COL25A1: variants seen among roughly 807,000 people sequenced by gnomAD.
COL25A1 encodes the protein collagen alpha-1(XXV) chain.
COL25A1 carries 103 observed loss-of-function variants against 128.4 expected under a neutral mutation model. The observed-to-expected ratio is 0.80, with a 90% CI of 0.68 to 0.94. The LOEUF is 0.94. COL25A1 is among the 40% of genes least tolerant of loss of function. The pLI is 0.00. For synonymous variants in COL25A1, 279 were observed against 277.2 expected, an observed-to-expected ratio of 1.01 and a Z score of -0.06; for missense variants, 745 against 840.0, an observed-to-expected ratio of 0.89 and a Z score of 1.40.
rs776496939 is a variant in COL25A1, at chr4:108,889,280, A to C, written c.940-24T>G. ...CCCTGGCCAAAGAAAACCAAAGATG[A>C]AAAACACAGTCTTAAAAGAATTTTC... On this transcript the variant is annotated intron_variant, in intron 17 of 37. Coordinates refer to ENST00000399132, the MANE Select transcript of COL25A1 (RefSeq NM_198721.4). The C allele has an allele frequency of 3.1e-6, 5 of 1,613,240 alleles. No individual in the cohort carries two copies. The Admixed American group carries it at 5.0e-5, about 16-fold the overall frequency.
chr4:108,838,807 G>A (rs1268651905), intron 31 of COL25A1, among the ~76,000 whole-genome samples: 2 of 152,130 alleles, frequency 1.3e-5, no homozygotes, highest in African/African-American at 2.4e-5. Context: ...CATCTGCCCA[G>A]TGTTAGAATA....
At chr4:109,174,332 T>G (rs1269952195) in intron 3 of COL25A1, among the ~76,000 whole-genome samples, 1 of 152,156 alleles carries the variant, frequency 6.6e-6, no homozygotes, top group Admixed American at 6.5e-5. Flanking sequence ...CCCCTCCCCA[T>G]TCTGTCCTGA....
At chr4:109,012,642 G>A (rs910753714) in intron 5 of COL25A1, among the ~76,000 whole-genome samples, 2 of 152,120 alleles carry the variant, frequency 1.3e-5, no homozygotes, top group Admixed American at 6.5e-5. Context: ...CAGAGGGGGC[G>A]CCAGGTCCCC....
chr4:109,060,187 T>C (rs1362657253), intron 3 of COL25A1, among the ~76,000 whole-genome samples: 3 of 152,226 alleles, frequency 2.0e-5, no homozygotes, highest in South Asian at 2.1e-4. Flanking sequence ...ACCTGTGAGG[T>C]ACTGAGCACG....
intron 3 of COL25A1, among the ~76,000 whole-genome samples, chr4:109,193,639 T>C (rs1229184556): frequency 1.3e-5 from 2 of 152,206 alleles, no homozygotes; most frequent in Admixed American, 6.5e-5. Flanking sequence ...CCTCTTCTTT[T>C]AGTTTGTTCT....
At chr4:109,120,409 A>G (rs117557031) in intron 3 of COL25A1, among the ~76,000 whole-genome samples, 4,950 of 152,268 alleles carry the variant, frequency 0.033, 144 homozygotes, top group South Asian at 0.12. Context: ...CAACTCTCTC[A>G]GATTTAATAA....
intron 15 of COL25A1, among the ~76,000 whole-genome samples, chr4:108,897,196 A>G (rs757644135): frequency 2.6e-5 from 4 of 152,158 alleles, no homozygotes; most frequent in Non-Finnish European, 4.4e-5. Flanking sequence ...AAAGTACAGG[A>G]CAGGGCCCTC....
At chr4:109,276,003 T>C (rs540723207) in intron 3 of COL25A1, among the ~76,000 whole-genome samples, 1 of 152,234 alleles carries the variant, frequency 6.6e-6, no homozygotes, top group African/African-American at 2.4e-5. Flanking sequence ...CAACCTTTTC[T>C]GTAGACTTCC....
intron 3 of COL25A1, among the ~76,000 whole-genome samples, chr4:109,163,090 C>G (rs1215141839): frequency 6.6e-6 from 1 of 152,120 alleles, no homozygotes; most frequent in African/African-American, 2.4e-5. Flanking sequence ...ACCTCCCCTG[C>G]TTTGCTCCGT....
chr4:108,844,699 A>T, intron 29 of COL25A1, 130 bp from the exon 30 acceptor site: 1 of 1,298,300 alleles, frequency 7.7e-7, no homozygotes, highest in Admixed American at 3.2e-5. Context: ...AGAATAAGTG[A>T]TGTGTTTGAT....
chr4:108,919,168 T>TA (rs969765468), intron 12 of COL25A1, among the ~76,000 whole-genome samples: 16 of 151,836 alleles, frequency 1.1e-4, no homozygotes, highest in African/African-American at 3.1e-4. Flanking sequence ...AAAACTCCCC[T>TA]AAAAAAATGG....
chr4:109,094,171 T>C (rs1055816266), intron 3 of COL25A1, among the ~76,000 whole-genome samples: 21 of 152,216 alleles, frequency 1.4e-4, no homozygotes, highest in African/African-American at 4.8e-4. Flanking sequence ...GAAAGAGAGT[T>C]GGTTCTTCCT....
chr4:108,900,734 T>C (rs905986485), intron 14 of COL25A1, among the ~76,000 whole-genome samples: 2 of 152,146 alleles, frequency 1.3e-5, no homozygotes, highest in African/African-American at 4.8e-5. Context: ...GGAAAAGCCA[T>C]AGTGAATGTC....
Position 109,179,393 on chromosome 4 carries a change from C to T in COL25A1, c.367+121190G>A, listed in dbSNP as rs185188808. 2.3e-4 allele frequency among the ~76,000 whole-genome samples: 35 copies of T among 152,342 alleles called. No individual in the cohort carries two copies. The East Asian group carries it at 6.0e-3, about 26-fold the overall frequency. ...GTTCAACTATGCATGTCCATCCCAT[C>T]CTGTTACACCATGGTCATCTGAGAC... On this transcript the variant is annotated intron_variant, in intron 3 of 37. Transcript: ENST00000399132.
At chr4:109,053,615 A>T (rs1761178314) in intron 3 of COL25A1, among the ~76,000 whole-genome samples, 1 of 152,162 alleles carries the variant, frequency 6.6e-6, no homozygotes, top group Non-Finnish European at 1.5e-5. Flanking sequence ...TAGTACTTAG[A>T]TCTGTTCACT....
At chr4:109,075,410 A>G (rs988512300) in intron 3 of COL25A1, among the ~76,000 whole-genome samples, 3 of 152,138 alleles carry the variant, frequency 2.0e-5, no homozygotes, top group Non-Finnish European at 2.9e-5. Context: ...GTTATTCTAT[A>G]TACTTGGAAT....
chr4:109,276,411 CAAA>C (rs201350321), intron 3 of COL25A1, among the ~76,000 whole-genome samples: 6 of 93,318 alleles, frequency 6.4e-5, no homozygotes, highest in Admixed American at 1.1e-4. Context: ...GACTCTGTCT[CAAA>C]AAAAAAAAAA....
At chr4:108,930,755 T>A (rs1469645406) in intron 11 of COL25A1, among the ~76,000 whole-genome samples, 1 of 152,234 alleles carries the variant, frequency 6.6e-6, no homozygotes, top group African/African-American at 2.4e-5. Context: ...CAAGTCATCA[T>A]GAGAATATAT....
chr4:109,218,023 G>A (rs1004301925), intron 3 of COL25A1, among the ~76,000 whole-genome samples: 8 of 152,030 alleles, frequency 5.3e-5, no homozygotes, highest in African/African-American at 1.4e-4. Flanking sequence ...GTGCTGTGGC[G>A]ATCTGGCTCC....
Sources: allele counts gnomAD v4.1 joint callset (sites outside exome capture counted in the v4.1 genomes callset), GRCh38; gene constraint gnomAD v4.1.1; transcripts MANE v1.5; gene names NCBI Gene and HGNC (gene_info 2026-07-23, HGNC 2026-07-21).